Variants in DAOA observed in about 807,000 individuals in gnomAD.
DAOA encodes the protein D-amino acid oxidase activator, also known as D-amino acid oxidase regulator.
Under a neutral mutation model 16.4 loss-of-function variants are expected in DAOA, and 15 were observed. The observed-to-expected ratio is 0.91, with a 90% CI of 0.61 to 1.41. The LOEUF is 1.41. DAOA is among the 40% of genes most tolerant of loss of function. DAOA has a pLI of 0.00. For synonymous variants in DAOA, 75 were observed against 59.1 expected (o/e 1.27, Z -1.23); for missense variants, 230 against 176.8 (o/e 1.30, Z -1.71).
At position 105,490,029 on chromosome 13, in the gene DAOA, A is replaced by G; in HGVS notation, c.410A>G (p.Gln137Arg). The G allele has an allele frequency of 6.2e-7, 1 of 1,607,394 alleles. No individual in the cohort carries two copies. The highest frequency in any genetic ancestry group is 1.1e-5 in the South Asian group (1 of 90,252). Residue 137 changes from glutamine to arginine, a missense_variant, in exon 5 of 6, where the codon CAA becomes CGA. By Grantham distance (43) the Gln-to-Arg change is conservative. Coordinates refer to ENST00000375936, the MANE Select transcript of DAOA (RefSeq NM_172370.5). ...ERMWTCNYNQQKDQSCNHKEI... is the reference protein window; with the variant it reads ...ERMWTCNYNQRKDQSCNHKEI... The stretch of plus-strand genomic sequence containing the variant: ...ATGTGGACCTGCAACTACAACCAGC[A>G]AAAAGACCAGTCATGCAACCACAAG...
chr13:105,471,904 C>T (rs1370082429), intron 3 of DAOA, among the ~76,000 whole-genome samples: 1 of 152,186 alleles, frequency 6.6e-6, no homozygotes, highest in Non-Finnish European at 1.5e-5. Context: ...GTAATCTTTA[C>T]AGCTCATTTC....
rs1279450123 is a variant in DAOA at position 105,466,052 on chromosome 13, A to C, written c.-82A>C. The C allele has an allele frequency of 2.3e-6, 1 of 434,608 alleles. No individual in the cohort carries two copies. The highest frequency in any genetic ancestry group is 3.9e-6 in the Non-Finnish European group (1 of 255,896). The allele number at this position is 434,608 out of a possible 1,614,324, so 26.9% of individuals were successfully genotyped here. A position where few individuals can be genotyped will look rare whatever the true frequency, so the allele number is the denominator to read the frequency against. On this transcript the variant is annotated 5_prime_UTR_variant, in exon 1 of 6. Coordinates refer to ENST00000375936, the MANE Select transcript of DAOA (RefSeq NM_172370.5). ...AGCCAGAAAGTAGAGTGAAGCAAGT[A>C]ATGTGTGTGTGAGTAGTCATTGGAT...
intron 2 of DAOA, 195 bp downstream of exon 2, chr13:105,466,527 G>T: frequency 1.2e-6 from 1 of 838,368 alleles, no homozygotes; most frequent in East Asian, 2.8e-5. Context: ...CCTAGCCAAG[G>T]ATCACTCATG....
At chr13:105,488,779 C>G (rs1878310862) in intron 4 of DAOA, among the ~76,000 whole-genome samples, 1 of 152,150 alleles carries the variant, frequency 6.6e-6, no homozygotes, top group African/African-American at 2.4e-5. Context: ...CCTTAGAATC[C>G]TATGAAGAAA....
At chr13:105,479,770 T>C (rs558255921) in intron 4 of DAOA, among the ~76,000 whole-genome samples, 2 of 152,292 alleles carry the variant, frequency 1.3e-5, no homozygotes, top group East Asian at 3.9e-4. Flanking sequence ...GACATAAATT[T>C]TGAGGGGACA....
intron 3 of DAOA, 84 bp from the exon 4 acceptor site, chr13:105,472,454 C>T: frequency 1.4e-6 from 2 of 1,453,228 alleles, no homozygotes; most frequent in Non-Finnish European, 1.8e-6. Context: ...CCTACAATCG[C>T]TCCACAGTCA....
At chr13:105,474,746 A>C (rs1410549121) in intron 4 of DAOA, among the ~76,000 whole-genome samples, 1 of 152,134 alleles carries the variant, frequency 6.6e-6, no homozygotes. Context: ...GGAATTGGGA[A>C]TTGGGGAAGA....
In DAOA at chr13:105,472,702, T is replaced by A; in HGVS notation, c.281+17T>A. 1 of 1,584,860 alleles carries A rather than the reference T, an allele frequency of 6.3e-7. No individual in the cohort carries two copies. Among genetic ancestry groups the A allele is most frequent in the Non-Finnish European group, 8.6e-7 (1 of 1,166,048 alleles). ...CTATGCAGAGTATGTATCTTCTTCATTTTAAACTTTTAACCAGGAGAAAGC... is the reference window on the plus strand; with the variant it reads ...CTATGCAGAGTATGTATCTTCTTCAATTTAAACTTTTAACCAGGAGAAAGC... On this transcript the variant is annotated intron_variant, in intron 4 of 5. Transcript: ENST00000375936.
chr13:105,488,375 TC>T (rs1878277026), intron 4 of DAOA, among the ~76,000 whole-genome samples: 1 of 152,216 alleles, frequency 6.6e-6, no homozygotes, highest in African/African-American at 2.4e-5. Context: ...GTGATTATAA[TC>T]TTTTTCATCC....
At chr13:105,490,322 T>C (rs1878430549) in intron 5 of DAOA, 130 bp downstream of exon 5, 1 of 300,232 alleles carries the variant, frequency 3.3e-6, no homozygotes, top group South Asian at 1.3e-4. Context: ...AATCCTCTCC[T>C]CTTGTTTGGT....
chr13:105,467,579 T>C (rs1188118362), intron 3 of DAOA: 2 of 132,426 alleles, frequency 1.5e-5, no homozygotes, highest in African/African-American at 5.4e-5. Flanking sequence ...GTTTAATTCT[T>C]TTTCTTTTTT....
chr13:105,480,254 C>A (rs149774247), intron 4 of DAOA, among the ~76,000 whole-genome samples: 56 of 152,142 alleles, frequency 3.7e-4, no homozygotes, highest in African/African-American at 1.3e-3. Context: ...TTTTCTAAAT[C>A]AGTATTTGAA....
chr13:105,479,264 G>A (rs1268182443), intron 4 of DAOA, among the ~76,000 whole-genome samples: 1 of 152,120 alleles, frequency 6.6e-6, no homozygotes, highest in Non-Finnish European at 1.5e-5. Context: ...GACCGAAAGA[G>A]CAACAAACAT....
chr13:105,481,934 G>A (rs1239442562), intron 4 of DAOA, among the ~76,000 whole-genome samples: 1 of 152,152 alleles, frequency 6.6e-6, no homozygotes, highest in Non-Finnish European at 1.5e-5. Flanking sequence ...ACAAAGGAAA[G>A]AGGTTTAATT....
intron 4 of DAOA, among the ~76,000 whole-genome samples, chr13:105,479,514 G>C (rs1033765206): frequency 3.3e-5 from 5 of 152,168 alleles, no homozygotes. Context: ...TCTGTGCCAG[G>C]CTTCTCTCCG....
chr13:105,477,961 C>T (rs9284228), intron 4 of DAOA, among the ~76,000 whole-genome samples: 7,105 of 152,170 alleles, frequency 0.047, 367 homozygotes, highest in African/African-American at 0.13. Context: ...GACTTTGCCT[C>T]AAACCAAAAT....
chr13:105,475,823 C>A (rs1026849248), intron 4 of DAOA, among the ~76,000 whole-genome samples: 18 of 152,152 alleles, frequency 1.2e-4, no homozygotes, highest in Middle Eastern at 3.4e-3. Flanking sequence ...ATATTTAAGA[C>A]AAAGTAAGAT....
At chr13:105,466,980 G>A (rs1876565817) in intron 2 of DAOA, 73 bp from the exon 3 acceptor site, 1 of 1,519,390 alleles carries the variant, frequency 6.6e-7, no homozygotes, top group African/African-American at 1.4e-5. Context: ...CTCCATTGAT[G>A]TTGCTTATTC....
intron 4 of DAOA, among the ~76,000 whole-genome samples, chr13:105,489,269 G>A (rs1260696188): frequency 2.6e-5 from 4 of 152,198 alleles, no homozygotes; most frequent in Non-Finnish European, 5.9e-5. Context: ...CCAGCTGCCT[G>A]AATTTGAATT....
Sources: gnomAD v4.1 joint callset for allele counts (sites outside exome capture counted in the v4.1 genomes callset) on GRCh38, gnomAD v4.1.1 for gene constraint, MANE v1.5 for transcripts, NCBI Gene and HGNC (gene_info 2026-07-23, HGNC 2026-07-21) for gene names.